Variants in HEG1 observed in about 807,000 individuals in gnomAD.
The protein encoded by HEG1 is heart development protein with EGF like domains 1.
A neutral mutation model predicts 125.6 loss-of-function variants in HEG1; 56 were observed. The ratio of observed to expected loss-of-function variants is 0.45; its 90% CI spans 0.36 to 0.56. The LOEUF (loss-of-function observed/expected upper bound fraction) is 0.56, where lower values mean the gene tolerates loss of function less well. Among genes scored for constraint, HEG1 ranks in the 20% least tolerant of loss-of-function variants. The probability of loss-of-function intolerance (pLI) is 0.00; values close to 1 mark genes in which losing one functional copy is unlikely to be tolerated. For synonymous variants in HEG1, 644 were observed against 668.5 expected (o/e 0.96, Z 0.57); for missense variants, 1,523 against 1,670.0 (o/e 0.91, Z 1.53).
At chr3:125,051,083 G>A (rs1937795051) in intron 1 of HEG1, among the ~76,000 whole-genome samples, 1 of 152,176 alleles carries the variant, frequency 6.6e-6, no homozygotes, top group African/African-American at 2.4e-5. Context: ...TTTCAGCTTG[G>A]CTTATAATTA....
chr3:125,044,321 A>T (rs1937630147), intron 1 of HEG1, among the ~76,000 whole-genome samples: 1 of 152,262 alleles, frequency 6.6e-6, no homozygotes, highest in Non-Finnish European at 1.5e-5. Flanking sequence ...CATTTAAGAA[A>T]GATAAAACAG....
At chr3:125,018,238 C>A (rs920782011) in intron 5 of HEG1, among the ~76,000 whole-genome samples, 5 of 152,108 alleles carry the variant, frequency 3.3e-5, no homozygotes, top group African/African-American at 9.7e-5. Flanking sequence ...CGTGGATGAA[C>A]CTTGAAAACA....
In HEG1 at chr3:125,027,418, T is replaced by G; in HGVS notation, c.700A>C (p.Met234Leu). 1 of 1,613,994 alleles carries G rather than the reference T, an allele frequency of 6.2e-7. No individual in the cohort carries two copies. ...AGCCCCATCGCCCTCTCTGTTCCCA[T>G]CTCCGAGGCTGTTCCACTCTTTGTT... ...FQTKSGTASE[M>L]GTERAMGLSE... is the part of the protein sequence containing the mutation. The change falls in exon 3 of 17, where the codon ATG (methionine) becomes CTG (leucine). Residue 234 changes from methionine to leucine, a missense_variant. Transcript: ENST00000311127.
intron 11 of HEG1, among the ~76,000 whole-genome samples, chr3:124,999,637 G>T (rs1936972420): frequency 6.6e-6 from 1 of 152,250 alleles, no homozygotes; most frequent in African/African-American, 2.4e-5. Flanking sequence ...ATGGGACACA[G>T]GCCCTGCCTC....
In HEG1 at chr3:125,013,599, G is replaced by GGAGGAGGAAGAGGAGGAC. The variant is rs1455131631; in HGVS notation, c.1979_1980insGTCCTCCTCTTCCTCCTC (p.Ser667_Ser672dup). 1 of 1,600,790 alleles carries GGAGGAGGAAGAGGAGGAC rather than the reference G, an allele frequency of 6.2e-7. No homozygotes were observed. ...AAGAGGAGGAGGAGGAAGAGGAGGA[G>GGAGGAGGAAGAGGAGGAC]GAGGAGTCACTAACAAACTCAGCAT... On this transcript the variant is annotated inframe_insertion, in exon 6 of 17. Transcript: ENST00000311127.
At chr3:125,021,853 T>C (rs1937340219) in intron 3 of HEG1, among the ~76,000 whole-genome samples, 1 of 152,204 alleles carries the variant, frequency 6.6e-6, no homozygotes, top group Admixed American at 6.5e-5. Flanking sequence ...CAGGCTTCAT[T>C]ATCATACTTT....
At position 124,970,728 on chromosome 3, in the gene HEG1, C is replaced by T. The variant is rs747834813; in HGVS notation, c.4070G>A (p.Arg1357Gln). The change falls in exon 17 of 17, where the codon CGG becomes CAG. Residue 1357 changes from arginine to glutamine, a missense_variant. Arg to Gln is a conservative substitution (Grantham distance 43). Transcript: ENST00000311127. ...YPAYTGLPGS[R>Q]HSCIFPGQYN... ...CTGTCCGGGGAAAATGCAAGAATGC[C>T]GTGATCCTGGCAGTCCAGTGTAGGC... 8.1e-6 allele frequency: 13 copies of T among 1,609,772 alleles called. No homozygotes were observed. Among genetic ancestry groups the T allele is most frequent in the Non-Finnish European group, 1.0e-5 (12 of 1,178,164 alleles).
chr3:125,038,948 G>A (rs1347811483), intron 1 of HEG1, among the ~76,000 whole-genome samples: 2 of 152,302 alleles, frequency 1.3e-5, no homozygotes, highest in Admixed American at 6.5e-5. Context: ...GGCTGGTGCT[G>A]TGCACCTCAC....
At chr3:124,973,339 A>G (rs1322077568) in intron 16 of HEG1, among the ~76,000 whole-genome samples, 1 of 152,104 alleles carries the variant, frequency 6.6e-6, no homozygotes, top group Non-Finnish European at 1.5e-5. Flanking sequence ...CCAGCCACCA[A>G]TCCTCTAGTT....
In HEG1 at chr3:125,027,350, C is replaced by T. The variant is rs200926219; in HGVS notation, c.768G>A (p.Ser256=). ...CAGGAAGAAAGGACGGGCTCCAAGC[C>T]GAAGTGGTGGCCTCTTGGCTGTGCA... The part of the protein sequence containing the change: ...WTVHSQEATT[S]AWSPSFLPAL... The change falls in exon 3 of 17, where the codon TCG becomes TCA. Residue 256 remains serine (S), a synonymous_variant. Coordinates refer to ENST00000311127, the MANE Select transcript of HEG1 (RefSeq NM_020733.2). The T allele has an allele frequency of 1.5e-4, 235 of 1,613,976 alleles. No homozygotes were observed. In the African/African-American group the frequency reaches 2.7e-3, roughly 18 times the overall value.
intron 16 of HEG1, among the ~76,000 whole-genome samples, chr3:124,971,808 A>C (rs1553774990): frequency 6.6e-5 from 3 of 45,584 alleles, no homozygotes; most frequent in African/African-American, 4.0e-4. Context: ...TTTTTTTTTG[A>C]GACAGGGTCT....
chr3:125,048,266 T>C (rs1937710050), intron 1 of HEG1, among the ~76,000 whole-genome samples: 1 of 152,214 alleles, frequency 6.6e-6, no homozygotes, highest in Admixed American at 6.5e-5. Context: ...TCTTTCCAGC[T>C]CCTTAAGAGA....
In HEG1 at chr3:125,013,437, G is replaced by A. The variant is rs1937188506; in HGVS notation, c.2142C>T (p.Ser714=). The change falls in exon 6 of 17, where the codon TCC becomes TCT. Residue 714 remains serine (S), a synonymous_variant. Transcript: ENST00000311127. ...AGGATACTGGTAAAGGTGATGGTGA[G>A]GAAGACCATGGTGTGGATGCATCAG... ...STSDASTPWS[S]SPSPLPVSLT... 1.2e-6 allele frequency: 2 copies of A among 1,613,818 alleles called. No individual in the cohort carries two copies. The highest frequency in any genetic ancestry group is 2.7e-5 in the African/African-American group (2 of 74,914).
In HEG1 at chr3:125,013,331, C is replaced by T. The variant is rs1937186735; in HGVS notation, c.2248G>A (p.Ala750Thr). 6.2e-7 allele frequency: 1 copy of T among 1,613,778 alleles called. No individual in the cohort carries two copies. The highest frequency in any genetic ancestry group is 1.7e-5 in the Admixed American group (1 of 59,990). The part of the protein sequence containing the change: ...QSSSTPVLPR[A>T]RETPVTSFQT... ...AATGAAGTCACAGGAGTCTCCCTTG[C>T]CCTGGGCAGGACAGGGGTAGAAGAT... Residue 750 changes from alanine (A) to threonine (T), a missense_variant, in exon 6 of 17, where the codon GCA (alanine) becomes ACA (threonine). Physicochemically the swap from Ala to Thr is moderately conservative, Grantham distance 58. Coordinates refer to ENST00000311127, the MANE Select transcript of HEG1 (RefSeq NM_020733.2).
intron 1 of HEG1, among the ~76,000 whole-genome samples, chr3:125,037,084 T>A (rs573015783): frequency 1.3e-5 from 2 of 152,226 alleles, no homozygotes; most frequent in Non-Finnish European, 2.9e-5. Context: ...AACTTAATTA[T>A]GAGATAACAT....
chr3:125,022,244 G>A (rs1354240146), intron 3 of HEG1, among the ~76,000 whole-genome samples: 1 of 152,094 alleles, frequency 6.6e-6, no homozygotes, highest in Non-Finnish European at 1.5e-5. Flanking sequence ...ATAATAAAAA[G>A]TACTCTACAC....
chr3:125,032,556 G>A (rs1370473893), intron 1 of HEG1, among the ~76,000 whole-genome samples: 3 of 152,222 alleles, frequency 2.0e-5, no homozygotes, highest in Non-Finnish European at 4.4e-5. Context: ...CAGCTTGAGA[G>A]ACTGGGGTTA....
chr3:125,025,001 C>A (rs1177601699), intron 3 of HEG1, among the ~76,000 whole-genome samples: 2 of 152,322 alleles, frequency 1.3e-5, no homozygotes, highest in East Asian at 3.9e-4. Context: ...GTGTTCACCT[C>A]CTTTGCTTTT....
chr3:125,037,134 T>C (rs112417070), intron 1 of HEG1, among the ~76,000 whole-genome samples: 65 of 152,372 alleles, frequency 4.3e-4, no homozygotes, highest in African/African-American at 1.5e-3. Flanking sequence ...ATACAGTTTT[T>C]CTTATGTATT....
Sources: allele counts gnomAD v4.1 joint callset (sites outside exome capture counted in the v4.1 genomes callset), GRCh38; gene constraint gnomAD v4.1.1; transcripts MANE v1.5; gene names NCBI Gene and HGNC (gene_info 2026-07-23, HGNC 2026-07-21).